The following ESR1 variants were observed in gnomAD, a reference collection of about 807,000 sequenced individuals.
The protein encoded by ESR1 is estrogen receptor 1, also known as estrogen receptor.
In ESR1, 12 loss-of-function variants were observed where a neutral mutation model predicts 52.7. That is an observed-to-expected ratio of 0.23 (90% CI 0.15 to 0.37). ESR1 has a LOEUF of 0.37. ESR1 is among the 10% of genes least tolerant of loss of function. The pLI is 1.00. For missense variants in ESR1, 584 were observed against 779.7 expected (o/e 0.75, Z 2.99); for synonymous variants, 305 against 316.8 (o/e 0.96, Z 0.39).
intron 2 of ESR1, among the ~76,000 whole-genome samples, chr6:151,871,247 T>A (rs1331959326): frequency 6.6e-6 from 1 of 151,856 alleles, no homozygotes; most frequent in Non-Finnish European, 1.5e-5. Context: ...ATATATATAT[T>A]AAAAATAAAA....
At chr6:151,667,666 G>A (rs940846878) in intron 1 of ESR1, among the ~76,000 whole-genome samples, 6 of 152,196 alleles carry the variant, frequency 3.9e-5, no homozygotes, top group African/African-American at 9.6e-5. Context: ...ACTGGGCTAG[G>A]AGAGTGCAAT....
At chr6:152,057,694 T>TAC (rs10560254) in intron 5 of ESR1, among the ~76,000 whole-genome samples, 35,453 of 145,562 alleles carry the variant, frequency 0.24, 4,656 homozygotes, top group Admixed American at 0.37. Context: ...TACACATGCA[T>TAC]ACACACACAC....
At chr6:152,032,461 A>G (rs1187213486) in intron 5 of ESR1, among the ~76,000 whole-genome samples, 2 of 152,222 alleles carry the variant, frequency 1.3e-5, no homozygotes, top group Non-Finnish European at 2.9e-5. Flanking sequence ...TACAAAATCA[A>G]TGTGCAAAAA....
chr6:151,956,466 A>G (rs1245703677), intron 4 of ESR1, among the ~76,000 whole-genome samples: 1 of 152,196 alleles, frequency 6.6e-6, no homozygotes, highest in African/African-American at 2.4e-5. Flanking sequence ...TATCTGTTGC[A>G]GATAGTAGCT....
At chr6:151,663,148 C>T (rs566079458) in intron 1 of ESR1, among the ~76,000 whole-genome samples, 1 of 152,226 alleles carries the variant, frequency 6.6e-6, no homozygotes, top group African/African-American at 2.4e-5. Flanking sequence ...ATTATTTAAT[C>T]GCATGTGATA....
chr6:151,878,114 C>T (rs924035151), intron 2 of ESR1, among the ~76,000 whole-genome samples: 2 of 152,128 alleles, frequency 1.3e-5, no homozygotes, highest in African/African-American at 4.8e-5. Flanking sequence ...CACACCTGGC[C>T]ATATACTCAT....
In ESR1 at chr6:152,060,718, C is replaced by T. The variant is rs546376959; in HGVS notation, c.1236-273C>T. ...TCAATTACCCATAGGTTGAAGAACT[C>T]CATATTTAACATGGCAGACTTGAGG... On this transcript the variant is annotated intron_variant, in intron 5 of 7. Coordinates refer to ENST00000206249, the MANE Select transcript of ESR1 (RefSeq NM_000125.4). Among the ~76,000 whole-genome samples the T allele has an allele frequency of 3.9e-5, 6 of 152,158 alleles. No individual in the cohort carries two copies. In the South Asian group the frequency reaches 1.2e-3, roughly 32 times the overall value.
chr6:152,038,127 T>A (rs140366880), intron 5 of ESR1, among the ~76,000 whole-genome samples: 3,030 of 152,180 alleles, frequency 0.02, 36 homozygotes, highest in Non-Finnish European at 0.03. Context: ...AAACCACTAG[T>A]GTAGGTCCAA....
intron 5 of ESR1, among the ~76,000 whole-genome samples, chr6:152,026,699 G>A (rs1431856051): frequency 1.3e-5 from 2 of 151,574 alleles, no homozygotes; most frequent in Admixed American, 1.3e-4. Context: ...TTTTTGTTCT[G>A]GTTGTTAGAT....
intron 1 of ESR1, among the ~76,000 whole-genome samples, chr6:151,680,965 G>T (rs537097705): frequency 6.6e-6 from 1 of 152,122 alleles, no homozygotes; most frequent in Admixed American, 6.5e-5. Context: ...AGGGGTAGAC[G>T]CCCCGTCTCT....
chr6:152,118,152 T>C (rs1430941412), intron 6 of ESR1: 1 of 152,146 alleles, frequency 6.6e-6, no homozygotes, highest in Non-Finnish European at 1.5e-5. Flanking sequence ...AGGAATTTGC[T>C]CATAGAAAAT....
At chr6:151,930,061 G>T (rs145432577) in intron 3 of ESR1, among the ~76,000 whole-genome samples, 1 of 150,804 alleles carries the variant, frequency 6.6e-6, no homozygotes, top group East Asian at 2.0e-4. Flanking sequence ...TTGGCTTACC[G>T]CAACCTCTGC....
At chr6:151,795,265 T>C (rs2128135932) in intron 2 of ESR1, among the ~76,000 whole-genome samples, 1 of 152,000 alleles carries the variant, frequency 6.6e-6, no homozygotes, top group South Asian at 2.1e-4. Flanking sequence ...GGTGGGGGGA[T>C]CACCTGAGGT....
rs529137342 is a variant in ESR1, at chr6:151,814,330, T to A, written c.452+5966T>A. ...ATTTTGAGTCCATTCTCATATTTTC[T>A]TGTTTCATTTGCTTTATTTTCTAAT... On this transcript the variant is annotated intron_variant, in intron 1 of 7. Coordinates refer to ENST00000206249, the MANE Select transcript of ESR1 (RefSeq NM_000125.4). Among the ~76,000 whole-genome samples the A allele has an allele frequency of 4.1e-4, 63 of 152,354 alleles. No individual in the cohort carries two copies. The Middle Eastern group carries it at 0.017, about 41-fold the overall frequency.
At chr6:152,051,216 A>T (rs150610031) in intron 5 of ESR1, among the ~76,000 whole-genome samples, 2 of 152,292 alleles carry the variant, frequency 1.3e-5, no homozygotes, top group African/African-American at 4.8e-5. Context: ...ACTAAGCCCC[A>T]TAATCAGTCA....
At chr6:152,124,863 G>T (rs1203409147) in intron 6 of ESR1, among the ~76,000 whole-genome samples, 3 of 152,192 alleles carry the variant, frequency 2.0e-5, no homozygotes, top group Admixed American at 2.0e-4. Context: ...TTTTGTAGGG[G>T]AGTAGCTAAG....
intron 6 of ESR1, among the ~76,000 whole-genome samples, chr6:152,089,348 A>G (rs900075936): frequency 5.9e-5 from 9 of 152,312 alleles, no homozygotes; most frequent in Admixed American, 2.0e-4. Context: ...TCCTCTCTAC[A>G]TATTTACATC....
chr6:151,861,052 A>C (rs1358655470), intron 2 of ESR1, among the ~76,000 whole-genome samples: 1 of 152,182 alleles, frequency 6.6e-6, no homozygotes, highest in Non-Finnish European at 1.5e-5. Context: ...AATATACTTT[A>C]AAAAATAACA....
rs540068951 is a variant in ESR1, at chr6:151,956,118, G to A, written c.1096+11610G>A. ...ATATGTACCACATTTTCTTCATCCA[G>A]TCTACCATTGGTGGACATTTAGGTT... On this transcript the variant is annotated intron_variant, in intron 4 of 7. Transcript: ENST00000206249. Among the ~76,000 whole-genome samples the A allele has an allele frequency of 3.9e-5, 6 of 152,276 alleles. No homozygotes were observed. The South Asian group carries it at 1.2e-3, about 32-fold the overall frequency.
Sources: gnomAD v4.1 joint callset for allele counts (sites outside exome capture counted in the v4.1 genomes callset) on GRCh38, gnomAD v4.1.1 for gene constraint, MANE v1.5 for transcripts, NCBI Gene and HGNC (gene_info 2026-07-23, HGNC 2026-07-21) for gene names.